Variants in TENM4 observed in about 807,000 individuals in gnomAD.
The protein encoded by TENM4 is teneurin-4.
Under a neutral mutation model 243.3 loss-of-function variants are expected in TENM4, and 82 were observed. The observed-to-expected ratio is 0.34, with a 90% confidence interval of 0.28 to 0.40. The LOEUF is 0.40. TENM4 is among the 10% of genes least tolerant of loss of function. The pLI is 1.00. For synonymous variants in TENM4, 1,412 were observed against 1,456.3 expected (o/e 0.97, Z 0.69); for missense variants, 3,138 against 3,673.3 (o/e 0.85, Z 3.77).
intron 3 of TENM4, among the ~76,000 whole-genome samples, chr11:79,197,480 G>T (rs1863654864): frequency 6.6e-6 from 1 of 152,096 alleles, no homozygotes. Context: ...GGGAGCATTA[G>T]TCCCAGGCTG....
chr11:79,266,031 A>C (rs1855878651), intron 2 of TENM4, among the ~76,000 whole-genome samples: 1 of 152,196 alleles, frequency 6.6e-6, no homozygotes, highest in Non-Finnish European at 1.5e-5. Context: ...CAGGTGGAGT[A>C]AGTAGCACTC....
At chr11:79,207,698 C>T (rs11824772) in intron 3 of TENM4, among the ~76,000 whole-genome samples, 1 of 151,774 alleles carries the variant, frequency 6.6e-6, no homozygotes. Flanking sequence ...AACCCCGTCT[C>T]TACAGAAAAA....
intron 4 of TENM4, among the ~76,000 whole-genome samples, chr11:79,102,321 A>C (rs958809142): frequency 7.9e-5 from 12 of 152,234 alleles, no homozygotes; most frequent in Admixed American, 6.5e-4. Context: ...AGAAGGTCGC[A>C]CAGTGCTCAT....
Position 79,051,826 on chromosome 11 carries a change from T to C in TENM4, c.493+12912A>G, listed in dbSNP as rs187728805. 2.0e-3 allele frequency among the ~76,000 whole-genome samples: 309 copies of C among 152,334 alleles called. 10 individuals carry two copies. The South Asian group carries it at 0.057, about 28-fold the overall frequency. On this transcript the variant is annotated intron_variant, in intron 6 of 33. Coordinates refer to ENST00000278550, the MANE Select transcript of TENM4 (RefSeq NM_001098816.3). Reference sequence around the variant, plus strand: ...TGTGTTGTTGCCCACAATGTGTCCATGTGTTCTCAGCATTCAGCTCCCACT... The same window carrying C: ...TGTGTTGTTGCCCACAATGTGTCCACGTGTTCTCAGCATTCAGCTCCCACT...
chr11:79,437,598 C>T (rs532458252), intron 1 of TENM4, among the ~76,000 whole-genome samples: 61 of 152,320 alleles, frequency 4.0e-4, no homozygotes, highest in Middle Eastern at 3.4e-3. Flanking sequence ...CGGACTCCGG[C>T]GGAGAGCGCG....
intron 1 of TENM4, among the ~76,000 whole-genome samples, chr11:79,431,620 C>T (rs773090286): frequency 1.2e-4 from 18 of 152,188 alleles, no homozygotes; most frequent in Non-Finnish European, 2.1e-4. Context: ...TCCAACACTG[C>T]CTTAAAAATA....
intron 3 of TENM4, among the ~76,000 whole-genome samples, chr11:79,215,273 C>T (rs939788476): frequency 4.6e-5 from 7 of 152,238 alleles, no homozygotes; most frequent in South Asian, 4.1e-4. Flanking sequence ...TATGAGGAAA[C>T]GCTTCTAGAG....
intron 6 of TENM4, among the ~76,000 whole-genome samples, chr11:79,049,275 C>A (rs1378317661): frequency 6.6e-6 from 1 of 152,222 alleles, no homozygotes. Flanking sequence ...GGCTCTTCCC[C>A]CCTACTCAGG....
intron 2 of TENM4, among the ~76,000 whole-genome samples, chr11:79,271,558 C>T (rs1855969478): frequency 6.6e-6 from 1 of 152,222 alleles, no homozygotes; most frequent in Non-Finnish European, 1.5e-5. Flanking sequence ...CCTTACCTTC[C>T]CTCATGAGGG....
In TENM4 at chr11:78,831,874, T is replaced by C. The variant is rs116926009; in HGVS notation, c.1682-17479A>G. Among the ~76,000 whole-genome samples, 80 of 152,322 alleles carry C rather than the reference T, an allele frequency of 5.3e-4. 1 individual carries two copies. The East Asian group carries it at 0.015, about 28-fold the overall frequency. On this transcript the variant is annotated intron_variant, in intron 12 of 33. Coordinates refer to ENST00000278550, the MANE Select transcript of TENM4 (RefSeq NM_001098816.3). ...GGAACTACAGGTCTGGGCCTAGGGCTCTGACTCCCTCCAGAAAGCTTCCTC... is the reference window on the plus strand; with the variant it reads ...GGAACTACAGGTCTGGGCCTAGGGCCCTGACTCCCTCCAGAAAGCTTCCTC...
At chr11:78,708,537 C>T in intron 26 of TENM4, 22 bp from the exon 27 acceptor site, 1 of 1,611,428 alleles carries the variant, frequency 6.2e-7, no homozygotes, top group African/African-American at 1.3e-5. Flanking sequence ...GAAGCCAAAA[C>T]AGGAACTCAG....
At chr11:79,287,171 G>A (rs185607096) in intron 2 of TENM4, among the ~76,000 whole-genome samples, 135 of 152,340 alleles carry the variant, frequency 8.9e-4, no homozygotes, top group African/African-American at 3.1e-3. Context: ...AGAAGACTAA[G>A]TCTTGGAGGG....
chr11:79,230,749 A>G (rs1360640991), intron 2 of TENM4, among the ~76,000 whole-genome samples: 1 of 152,244 alleles, frequency 6.6e-6, no homozygotes, highest in East Asian at 1.9e-4. Flanking sequence ...CATTTGGCCA[A>G]TGACAATGGA....
At chr11:79,231,206 C>T (rs1864366406) in intron 2 of TENM4, among the ~76,000 whole-genome samples, 1 of 151,908 alleles carries the variant, frequency 6.6e-6, no homozygotes, top group Admixed American at 6.6e-5. Flanking sequence ...ATATTTGGTG[C>T]AAATTGATGA....
intron 9 of TENM4, among the ~76,000 whole-genome samples, chr11:78,876,887 G>T (rs1326877600): frequency 6.6e-6 from 1 of 152,128 alleles, no homozygotes; most frequent in Non-Finnish European, 1.5e-5. Context: ...AACCTGAAAG[G>T]GTTTAAAATC....
At position 79,167,179 on chromosome 11, in the gene TENM4, C is replaced by A. The variant is rs551556328; in HGVS notation, c.-162-18373G>T. On this transcript the variant is annotated intron_variant, in intron 3 of 33. Transcript: ENST00000278550. ...CCTTTCACATTTGAACTCTTCCATA[C>A]TTAGCATTTTCTGCCTGGTTGCGAG... 2.6e-5 allele frequency among the ~76,000 whole-genome samples: 4 copies of A among 152,332 alleles called. No individual in the cohort carries two copies. The East Asian group carries it at 7.7e-4, about 29-fold the overall frequency.
intron 15 of TENM4, among the ~76,000 whole-genome samples, chr11:78,791,185 A>G (rs1371904872): frequency 6.6e-6 from 1 of 152,218 alleles, no homozygotes; most frequent in African/African-American, 2.4e-5. Flanking sequence ...ATGAGAGTAG[A>G]AACCTGTGAT....
intron 6 of TENM4, among the ~76,000 whole-genome samples, chr11:79,018,232 T>C (rs1858829519): frequency 6.6e-6 from 1 of 152,234 alleles, no homozygotes; most frequent in African/African-American, 2.4e-5. Context: ...TTGTGCCTGT[T>C]CTTCCAGTGT....
chr11:79,164,604 C>T lies in TENM4; in HGVS notation c.-162-15798G>A, dbSNP rs191251425. Among the ~76,000 whole-genome samples, 370 of 129,144 alleles carry T rather than the reference C, an allele frequency of 2.9e-3. 1 individual carries two copies. The highest frequency in any genetic ancestry group is 9.6e-3 in the African/African-American group (309 of 32,174). The allele number at this position is 129,144 out of a possible 152,430, so 84.7% of individuals were successfully genotyped here. ...TATACATATATATATCTATATAGTA[C>T]GGTTTGGCTGTGTCCCCACCCAAAT... On this transcript the variant is annotated intron_variant, in intron 3 of 33. Transcript: ENST00000278550.
Sources: gnomAD v4.1 joint callset for allele counts (sites outside exome capture counted in the v4.1 genomes callset) on GRCh38, gnomAD v4.1.1 for gene constraint, MANE v1.5 for transcripts, NCBI Gene and HGNC (gene_info 2026-07-23, HGNC 2026-07-21) for gene names.